Variants in SARDH observed in about 807,000 individuals in gnomAD.
SARDH encodes the protein sarcosine dehydrogenase, also known as sarcosine dehydrogenase, mitochondrial.
SARDH carries 95 observed loss-of-function variants against 109.1 expected under a neutral mutation model. The observed-to-expected ratio is 0.87, with a 90% confidence interval of 0.74 to 1.03. The LOEUF is 1.03. Among genes scored for constraint, SARDH ranks in the 50% least tolerant of loss-of-function variants. SARDH has a pLI of 0.00. For synonymous variants in SARDH, 572 were observed against 534.8 expected, an observed-to-expected ratio of 1.07 and a Z score of -0.96; for missense variants, 1,267 against 1,287.8, an observed-to-expected ratio of 0.98 and a Z score of 0.25.
chr9:133,720,193 G>A (rs1054664796), intron 6 of SARDH, among the ~76,000 whole-genome samples: 1 of 152,018 alleles, frequency 6.6e-6, no homozygotes, highest in Non-Finnish European at 1.5e-5. Context: ...TTGGGAGGCC[G>A]ACATGGGTGA....
In SARDH at chr9:133,670,609, G is replaced by C. The variant is rs375124485; in HGVS notation, c.2470C>G (p.Arg824Gly). The change falls in exon 19 of 21, where the codon CGC (arginine) becomes GGC (glycine). Residue 824 changes from arginine (R) to glycine (G), a missense_variant. Arg to Gly is a moderately radical substitution (Grantham distance 125, BLOSUM62 -2). Coordinates refer to ENST00000439388, the MANE Select transcript of SARDH (RefSeq NM_001134707.2). ...EQQRAAGLRR[R>G]LVCFTMEDKV... ...TCCTCCATGGTGAAGCACACCAGGC[G>C]CCGGCGGAGGCCTGCGGCCCGCTGC... 7.0e-6 allele frequency: 11 copies of C among 1,576,390 alleles called. No individual in the cohort carries two copies. The highest frequency in any genetic ancestry group is 5.4e-5 in the African/African-American group (4 of 74,260).
intron 3 of SARDH, among the ~76,000 whole-genome samples, chr9:133,731,909 G>A (rs1015469078): frequency 3.3e-5 from 5 of 151,432 alleles, no homozygotes; most frequent in Non-Finnish European, 7.4e-5. Context: ...GCTGTCAAGA[G>A]AGGCCAAGAT....
chr9:133,667,014 G>A (rs369516950), intron 19 of SARDH, 144 bp from the exon 20 acceptor site: 28 of 1,079,432 alleles, frequency 2.6e-5, no homozygotes, highest in African/African-American at 7.8e-5. Flanking sequence ...CTAGGACTAC[G>A]CTGGTCCCCA....
intron 7 of SARDH, among the ~76,000 whole-genome samples, chr9:133,717,729 C>G (rs1394158798): frequency 6.6e-6 from 1 of 151,944 alleles, no homozygotes; most frequent in Non-Finnish European, 1.5e-5. Context: ...CCTCCTCTGG[C>G]CCCCTGCAGC....
At chr9:133,664,228 G>T (rs1322273307) in intron 20 of SARDH, among the ~76,000 whole-genome samples, 2 of 152,204 alleles carry the variant, frequency 1.3e-5, no homozygotes, top group African/African-American at 4.8e-5. Flanking sequence ...GGCATCTGGG[G>T]TCCGGCAAAG....
At chr9:133,722,247 C>T (rs969079034) in intron 6 of SARDH, among the ~76,000 whole-genome samples, 4 of 152,128 alleles carry the variant, frequency 2.6e-5, no homozygotes, top group East Asian at 1.9e-4. Flanking sequence ...ACAAAAACCA[C>T]GTAATCATCC....
intron 6 of SARDH, chr9:133,725,817 C>T (rs531948907): frequency 4.2e-5 from 9 of 213,260 alleles, no homozygotes; most frequent in African/African-American, 1.9e-4. Context: ...GGCGTGTGGA[C>T]TCCTCTGTAC....
intron 16 of SARDH, 87 bp downstream of exon 16, chr9:133,690,293 G>A: frequency 6.7e-7 from 1 of 1,498,422 alleles, no homozygotes; most frequent in East Asian, 2.3e-5. Context: ...GCCCATTCTG[G>A]ACAAGCTGTT....
chr9:133,729,304 A>G (rs1832593821), intron 6 of SARDH, among the ~76,000 whole-genome samples: 1 of 152,078 alleles, frequency 6.6e-6, no homozygotes, highest in Non-Finnish European at 1.5e-5. Flanking sequence ...CCCAGGTGCC[A>G]GGAGGTGAAC....
chr9:133,684,625 G>T (rs1408474201), intron 17 of SARDH, among the ~76,000 whole-genome samples: 1 of 152,182 alleles, frequency 6.6e-6, no homozygotes, highest in Non-Finnish European at 1.5e-5. Flanking sequence ...TGCTGGCTCC[G>T]GACACTACCA....
At chr9:133,670,320 C>A (rs1324178614) in intron 19 of SARDH, among the ~76,000 whole-genome samples, 2 of 129,396 alleles carry the variant, frequency 1.5e-5, no homozygotes, top group Non-Finnish European at 3.2e-5. Flanking sequence ...TAGAGTGAGA[C>A]TCCGTCTCAA....
rs1831153822 is a variant in SARDH, at chr9:133,692,905, C to T, written c.1921+1353G>A. 6.6e-6 allele frequency among the ~76,000 whole-genome samples: 1 copy of T among 152,132 alleles called. No individual in the cohort carries two copies. The highest frequency in any genetic ancestry group is 1.5e-5 in the Non-Finnish European group (1 of 68,010). The stretch of plus-strand genomic sequence containing the variant: ...GAGCTCTGCGCACCCCATAGGACCC[C>T]TCACTCACGCTCTCAGCCTCATCTC... On this transcript the variant is annotated intron_variant, in intron 15 of 20. Coordinates refer to ENST00000439388, the MANE Select transcript of SARDH (RefSeq NM_001134707.2). The surrounding 1 kb of genome is among the most constrained non-coding windows in gnomAD (Gnocchi z 5.0).
At chr9:133,719,558 G>A (rs1175986068) in intron 6 of SARDH, among the ~76,000 whole-genome samples, 1 of 152,154 alleles carries the variant, frequency 6.6e-6, no homozygotes. Flanking sequence ...GCTTGCTCAT[G>A]TATGGAAGGA....
At chr9:133,702,205 A>G (rs1319877950) in intron 13 of SARDH, among the ~76,000 whole-genome samples, 1 of 152,234 alleles carries the variant, frequency 6.6e-6, no homozygotes, top group Non-Finnish European at 1.5e-5. Context: ...AGGCCAGGGC[A>G]GACGCTGGCC....
At position 133,718,808 on chromosome 9, in the gene SARDH, C is replaced by A; in HGVS notation, c.1020+130G>T. Reference sequence around the variant, plus strand: ...AAGATGGCTTTGAGCTTGGTGGGGTCAGGGGACCGGCCACTTCTCAGGTGT... The same window carrying A: ...AAGATGGCTTTGAGCTTGGTGGGGTAAGGGGACCGGCCACTTCTCAGGTGT... On this transcript the variant is annotated intron_variant, in intron 7 of 20. Coordinates refer to ENST00000439388, the MANE Select transcript of SARDH (RefSeq NM_001134707.2). This position sits in a 1 kb window ranked among gnomAD's most constrained non-coding sequence, Gnocchi z 4.2. 1 of 829,480 alleles carries A rather than the reference C, an allele frequency of 1.2e-6. No individual in the cohort carries two copies. The allele number at this position is 829,480 out of a possible 1,614,324, so 51.4% of individuals were successfully genotyped here.
rs1490262382 is a variant in SARDH, at chr9:133,666,945, G to A, written c.2496-75C>T. On this transcript the variant is annotated intron_variant, in intron 19 of 20. Transcript: ENST00000439388. The surrounding 1 kb of genome is among the most constrained non-coding windows in gnomAD (Gnocchi z 5.2). ...GACGCGTCCACAGCGGCCTGGAGGAGAATGGGGGGCTGCATGATGCACACC... is the reference window on the plus strand; with the variant it reads ...GACGCGTCCACAGCGGCCTGGAGGAAAATGGGGGGCTGCATGATGCACACC... 1 of 1,577,088 alleles carries A rather than the reference G, an allele frequency of 6.3e-7. No individual in the cohort carries two copies. The highest frequency in any genetic ancestry group is 8.6e-7 in the Non-Finnish European group (1 of 1,158,976).
rs1276289882 is a variant in SARDH, at chr9:133,717,420, C to T, written c.1056G>A (p.Leu352=). The change falls in exon 8 of 21, where the codon CTG becomes CTA. Residue 352 remains leucine (L), a synonymous_variant. Transcript: ENST00000439388. The part of the protein sequence containing the change: ...SDKFAFGLFD[L]DWEVFTQHIE... ...TGTGCTGGGTGAACACCTCCCAGTC[C>T]AGGTCAAAGAGGCCGAAGGCAAACT... 6.2e-7 allele frequency: 1 copy of T among 1,614,100 alleles called. No individual in the cohort carries two copies. The highest frequency in any genetic ancestry group is 1.3e-5 in the African/African-American group (1 of 75,046).
chr9:133,708,307 T>C lies in SARDH; in HGVS notation c.1450A>G (p.Arg484Gly), dbSNP rs781314883. ...GTTACCTCGTGCAGCGGGTCTCTCC[T>C]CATGTTGCGCCCGGCCAGCGGCTCA... Reference protein sequence around the residue: ...HDEPLAGRNMRRDPLHEELLG... With the variant: ...HDEPLAGRNMGRDPLHEELLG... The change falls in exon 11 of 21, where the codon AGG becomes GGG. Residue 484 changes from arginine (R) to glycine (G), a missense_variant. Physicochemically the swap from Arg to Gly is moderately radical, Grantham distance 125 (BLOSUM62 -2). Coordinates refer to ENST00000439388, the MANE Select transcript of SARDH (RefSeq NM_001134707.2). 3.7e-6 allele frequency: 6 copies of C among 1,613,162 alleles called. No individual in the cohort carries two copies. Among genetic ancestry groups the C allele is most frequent in the Non-Finnish European group, 5.1e-6 (6 of 1,179,646 alleles).
In SARDH at chr9:133,731,435, G is replaced by A; in HGVS notation, c.560C>T (p.Thr187Ile). The change falls in exon 4 of 21, where the codon ACC becomes ATC. Residue 187 changes from threonine (T) to isoleucine (I), a missense_variant. Transcript: ENST00000439388. The part of the protein sequence containing the change: ...VESHVLSPAE[T>I]KTLYPLMNVD... ...ATTCATCAGCGGGTACAGAGTCTTG[G>A]TCTCTGCCGGGCTCAGCACATGGGA... The A allele has an allele frequency of 1.2e-6, 2 of 1,614,152 alleles. No individual in the cohort carries two copies. Among genetic ancestry groups the A allele is most frequent in the Non-Finnish European group, 1.7e-6 (2 of 1,180,016 alleles).
Sources: allele counts gnomAD v4.1 joint callset (sites outside exome capture counted in the v4.1 genomes callset), GRCh38; gene constraint gnomAD v4.1.1; non-coding constraint Gnocchi (gnomAD v3.1); transcripts MANE v1.5; gene names NCBI Gene and HGNC (gene_info 2026-07-23, HGNC 2026-07-21).